The following GRID2 variants were observed in gnomAD, a reference collection of about 807,000 sequenced individuals.
GRID2 encodes the protein glutamate receptor ionotropic, delta-2.
In GRID2, 33 loss-of-function variants were observed where a neutral mutation model predicts 114.8. That is an observed-to-expected ratio of 0.29 (90% confidence interval 0.22 to 0.38). The LOEUF is 0.38. GRID2 is among the 10% of genes least tolerant of loss of function. The pLI is 1.00. For synonymous variants in GRID2, 505 were observed against 449.9 expected, an observed-to-expected ratio of 1.12 and a Z score of -1.55; for missense variants, 1,184 against 1,257.7, an observed-to-expected ratio of 0.94 and a Z score of 0.89.
At chr4:93,254,750 G>A (rs1382839496) in intron 8 of GRID2, among the ~76,000 whole-genome samples, 3 of 152,016 alleles carry the variant, frequency 2.0e-5, no homozygotes, top group Admixed American at 6.6e-5. Flanking sequence ...GATTGTGGGG[G>A]AAATTGCATA....
chr4:92,380,407 G>A (rs906217440), intron 1 of GRID2, among the ~76,000 whole-genome samples: 25 of 151,848 alleles, frequency 1.6e-4, no homozygotes, highest in African/African-American at 6.0e-4. Flanking sequence ...TGTTATCTGT[G>A]AAATTTGTAA....
intron 14 of GRID2, among the ~76,000 whole-genome samples, chr4:93,714,497 G>T (rs903894963): frequency 6.6e-6 from 1 of 152,104 alleles, no homozygotes; most frequent in African/African-American, 2.4e-5. Flanking sequence ...CTGCCGCTAG[G>T]TCTTTAAGGA....
intron 14 of GRID2, among the ~76,000 whole-genome samples, chr4:93,768,318 C>T (rs1428383079): frequency 6.6e-6 from 1 of 152,190 alleles, no homozygotes; most frequent in East Asian, 1.9e-4. Context: ...ATCTTCCTTG[C>T]CCTGTGAAAA....
intron 1 of GRID2, among the ~76,000 whole-genome samples, chr4:92,544,452 G>C (rs1382536696): frequency 6.6e-6 from 1 of 152,070 alleles, no homozygotes; most frequent in Non-Finnish European, 1.5e-5. Flanking sequence ...CTTCAATGTG[G>C]TTGCGCCAGA....
chr4:92,688,346 G>A (rs531533740), intron 2 of GRID2, among the ~76,000 whole-genome samples: 23 of 151,842 alleles, frequency 1.5e-4, no homozygotes, highest in Middle Eastern at 6.8e-3. Context: ...CACCACGCCC[G>A]GCCAACTCTT....
chr4:92,932,329 C>A (rs568053985), intron 2 of GRID2, among the ~76,000 whole-genome samples: 1 of 151,168 alleles, frequency 6.6e-6, no homozygotes, highest in Admixed American at 6.6e-5. Flanking sequence ...ATTAAAACCA[C>A]AAGATAAGGT....
Position 93,120,111 on chromosome 4 carries a change from A to T in GRID2, c.735+9158A>T, listed in dbSNP as rs146130681. Among the ~76,000 whole-genome samples the T allele has an allele frequency of 7.7e-3, 1,170 of 152,274 alleles. 16 individuals are homozygous for T. The highest frequency in any genetic ancestry group is 0.027 in the African/African-American group (1,109 of 41,542). On this transcript the variant is annotated intron_variant, in intron 4 of 15. Transcript: ENST00000282020. ...CAGGAAACAACAGATGCTGGAGAGG[A>T]TGTGGAGAAATAGGAACACTTTTAC...
chr4:93,228,377 A>G (rs1315674830), intron 7 of GRID2, among the ~76,000 whole-genome samples: 1 of 152,124 alleles, frequency 6.6e-6, no homozygotes, highest in Non-Finnish European at 1.5e-5. Context: ...AACAGCATTA[A>G]TCCGTTCATG....
chr4:93,168,069 T>A (rs1179024202), intron 4 of GRID2, among the ~76,000 whole-genome samples: 2 of 151,896 alleles, frequency 1.3e-5, no homozygotes, highest in African/African-American at 4.8e-5. Context: ...AGTGGTGCAC[T>A]CTTGTAATCC....
chr4:92,699,384 T>A (rs1428977485), intron 2 of GRID2, among the ~76,000 whole-genome samples: 1 of 152,162 alleles, frequency 6.6e-6, no homozygotes, highest in African/African-American at 2.4e-5. Context: ...GATAGGCCTA[T>A]TAGTCTTGCA....
chr4:93,363,115 G>A lies in GRID2; in HGVS notation c.1246-32492G>A, dbSNP rs1428429599. Among the ~76,000 whole-genome samples, 3 of 152,082 alleles carry A rather than the reference G, an allele frequency of 2.0e-5. No homozygotes were observed. The South Asian group carries it at 6.2e-4, about 32-fold the overall frequency. ...CATGTCTGTAATCTCAGGTACTCAG[G>A]AGGCTGAGGCAGAAGAATCACTTGA... is the stretch of plus-strand genomic sequence containing the variant. On this transcript the variant is annotated intron_variant, in intron 8 of 15. Coordinates refer to ENST00000282020, the MANE Select transcript of GRID2 (RefSeq NM_001510.4).
chr4:93,038,923 A>T (rs1237095958), intron 2 of GRID2, among the ~76,000 whole-genome samples: 1 of 152,130 alleles, frequency 6.6e-6, no homozygotes, highest in Non-Finnish European at 1.5e-5. Flanking sequence ...TTCCTCAAGG[A>T]TCTAGAACTA....
chr4:93,387,831 A>AAC, intron 8 of GRID2, among the ~76,000 whole-genome samples: 1 of 145,918 alleles, frequency 6.9e-6, no homozygotes, highest in African/African-American at 2.5e-5. Context: ...CTCTGTCTCA[A>AAC]AAAAAAAAAA....
chr4:93,787,672 G>A (rs1292995035), intron 1 of GRID2, among the ~76,000 whole-genome samples: 1 of 152,136 alleles, frequency 6.6e-6, no homozygotes, highest in African/African-American at 2.4e-5. Flanking sequence ...GAGTTTCGCA[G>A]TCTTGTTTAT....
intron 1 of GRID2, among the ~76,000 whole-genome samples, chr4:93,792,799 C>G (rs1383245684): frequency 1.3e-5 from 2 of 152,120 alleles, no homozygotes; most frequent in Non-Finnish European, 2.9e-5. Context: ...CATGGTGAAA[C>G]CTCAGTCTCA....
intron 8 of GRID2, among the ~76,000 whole-genome samples, chr4:93,256,439 T>G (rs76990475): frequency 6.9e-5 from 10 of 144,928 alleles, no homozygotes; most frequent in Non-Finnish European, 1.5e-4. Context: ...TTTTTTTTTT[T>G]GGTCACAATG....
Position 92,634,865 on chromosome 4 carries a change from G to GAC in GRID2, c.244+44580_244+44581insCA, listed in dbSNP as rs1730990350. Reference sequence around the variant, plus strand: ...TGCATTCGTTGCAGAGAGACAGAGAGAGAGAGAGAGAGAAAGAGAGAGAGA... The same window carrying GAC: ...TGCATTCGTTGCAGAGAGACAGAGAGACAGAGAGAGAGAGAAAGAGAGAGAGA... On this transcript the variant is annotated intron_variant, in intron 2 of 15. Transcript: ENST00000282020. 2.9e-5 allele frequency among the ~76,000 whole-genome samples: 4 copies of GAC among 136,168 alleles called. No homozygotes were observed. In the South Asian group the frequency reaches 9.5e-4, roughly 32 times the overall value. The allele number at this position is 136,168 out of a possible 152,430, so 89.3% of individuals were successfully genotyped here. A position where few individuals can be genotyped will look rare whatever the true frequency, so the allele number is the denominator to read the frequency against.
intron 8 of GRID2, among the ~76,000 whole-genome samples, chr4:93,378,225 T>A (rs1763547349): frequency 6.6e-6 from 1 of 152,118 alleles, no homozygotes; most frequent in Admixed American, 6.6e-5. Flanking sequence ...AATCTTACTT[T>A]AACCAAATTA....
At chr4:93,514,540 C>A (rs1229121048) in intron 12 of GRID2, among the ~76,000 whole-genome samples, 7 of 151,850 alleles carry the variant, frequency 4.6e-5, no homozygotes, top group Admixed American at 2.0e-4. Context: ...GTCTTTGAGG[C>A]TGGACAGACC....
Sources: allele counts gnomAD v4.1 joint callset (sites outside exome capture counted in the v4.1 genomes callset), GRCh38; gene constraint gnomAD v4.1.1; transcripts MANE v1.5; gene names NCBI Gene and HGNC (gene_info 2026-07-23, HGNC 2026-07-21).